The following ADCK1 variants were observed in gnomAD, a reference collection of about 807,000 sequenced individuals.
ADCK1 encodes the protein aarF domain containing kinase 1.
In ADCK1, 41 loss-of-function variants were observed where a neutral mutation model predicts 52.3. The ratio of observed to expected loss-of-function variants is 0.78; its 90% CI spans 0.61 to 1.02. ADCK1 has a LOEUF of 1.02. Ranked by LOEUF, ADCK1 falls within the 50% of genes least tolerant of loss-of-function variation. ADCK1 has a pLI of 0.00. For missense variants in ADCK1, 658 were observed against 679.5 expected, an observed-to-expected ratio of 0.97 and a Z score of 0.35; for synonymous variants, 250 against 274.6, an observed-to-expected ratio of 0.91 and a Z score of 0.89.
intron 4 of ADCK1, among the ~76,000 whole-genome samples, chr14:77,864,267 G>A (rs79870100): frequency 0.032 from 4,840 of 152,264 alleles, 144 homozygotes; most frequent in South Asian, 0.12. Context: ...TGGGTGCAGT[G>A]GGAGGGCAGC....
At position 77,859,217 on chromosome 14, in the gene ADCK1, C is replaced by CA. The variant is rs1349805978; in HGVS notation, c.362dup (p.Ala122GlyfsTer23). 1 of 1,613,920 alleles carries CA rather than the reference C, an allele frequency of 6.2e-7. No individual in the cohort carries two copies. On this transcript the variant is annotated frameshift_variant, in exon 4 of 11. Coordinates refer to ENST00000238561, the MANE Select transcript of ADCK1 (RefSeq NM_020421.4). LOFTEE classifies it high-confidence loss of function. Reference sequence around the variant, plus strand: ...CAGCACGCTGAAGGTACTGCACAGCCAGGCTCCACAGAGCAGCATGCAAGA... The same window carrying CA: ...CAGCACGCTGAAGGTACTGCACAGCCAAGGCTCCACAGAGCAGCATGCAAGA...
chr14:77,854,526 A>G (rs1157397505), intron 3 of ADCK1, among the ~76,000 whole-genome samples: 1 of 149,010 alleles, frequency 6.7e-6, no homozygotes, highest in African/African-American at 2.5e-5. Flanking sequence ...ACTAATTCTT[A>G]GAGAGGTAGC....
At chr14:77,807,270 A>G (rs1185595536) in intron 1 of ADCK1, among the ~76,000 whole-genome samples, 3 of 145,112 alleles carry the variant, frequency 2.1e-5, no homozygotes, top group Non-Finnish European at 3.0e-5. Context: ...GGGTTTCACC[A>G]TGTTAGCCGG....
intron 1 of ADCK1, among the ~76,000 whole-genome samples, chr14:77,817,741 T>G (rs1287422572): frequency 6.9e-6 from 1 of 145,934 alleles, no homozygotes; most frequent in Non-Finnish European, 1.5e-5. Context: ...GTAGTCTTCT[T>G]TTTTTTTTTT....
At chr14:77,932,165 C>T (rs181316554) in intron 10 of ADCK1, among the ~76,000 whole-genome samples, 71 of 152,240 alleles carry the variant, frequency 4.7e-4, no homozygotes, top group Non-Finnish European at 9.0e-4. Flanking sequence ...TCTCCTGCCT[C>T]AGTCTCCCGA....
chr14:77,831,458 T>C (rs2081847669), intron 3 of ADCK1, among the ~76,000 whole-genome samples: 1 of 152,206 alleles, frequency 6.6e-6, no homozygotes, highest in Admixed American at 6.5e-5. Flanking sequence ...TCTATCAAAT[T>C]CTGCTAATCT....
At chr14:77,816,714 C>T (rs1283572641) in intron 1 of ADCK1, among the ~76,000 whole-genome samples, 2 of 151,506 alleles carry the variant, frequency 1.3e-5, no homozygotes, top group East Asian at 3.9e-4. Context: ...GCAGCTTGAT[C>T]GAACCCAAAG....
intron 6 of ADCK1, among the ~76,000 whole-genome samples, chr14:77,903,282 T>A (rs1595060477): frequency 6.6e-6 from 1 of 152,262 alleles, no homozygotes; most frequent in African/African-American, 2.4e-5. Flanking sequence ...TTTTGCACTG[T>A]GAACCCAGTT....
chr14:77,879,876 C>A (rs1325218185), intron 4 of ADCK1, among the ~76,000 whole-genome samples: 1 of 143,056 alleles, frequency 7.0e-6, no homozygotes, highest in Non-Finnish European at 1.6e-5. Context: ...ATGTGAGGCA[C>A]CCACTACTAT....
chr14:77,864,399 G>C (rs910480601), intron 4 of ADCK1, among the ~76,000 whole-genome samples: 4 of 152,222 alleles, frequency 2.6e-5, no homozygotes, highest in Non-Finnish European at 5.9e-5. Context: ...GGCACTGTAG[G>C]CGCAAGGACC....
intron 1 of ADCK1, among the ~76,000 whole-genome samples, chr14:77,818,022 G>A (rs1270453794): frequency 6.6e-6 from 1 of 152,120 alleles, no homozygotes; most frequent in African/African-American, 2.4e-5. Context: ...ACAGGCGTGA[G>A]CCACCACGCT....
At chr14:77,814,745 A>C (rs1476207459) in intron 1 of ADCK1, among the ~76,000 whole-genome samples, 6 of 150,984 alleles carry the variant, frequency 4.0e-5, no homozygotes, top group African/African-American at 1.5e-4. Context: ...TGTGGCTCTC[A>C]AACTTGAGCT....
At chr14:77,839,780 A>G (rs769249525) in intron 3 of ADCK1, among the ~76,000 whole-genome samples, 7 of 151,888 alleles carry the variant, frequency 4.6e-5, no homozygotes, top group South Asian at 2.1e-4. Flanking sequence ...AAAATTAGCC[A>G]GGTGTGGTAG....
intron 3 of ADCK1, among the ~76,000 whole-genome samples, chr14:77,852,477 CATT>C (rs954263041): frequency 4.6e-5 from 7 of 151,516 alleles, no homozygotes; most frequent in African/African-American, 1.7e-4. Flanking sequence ...AATCTGCCAT[CATT>C]CGTATCTTTA....
chr14:77,860,709 G>T (rs1339244717), intron 4 of ADCK1, among the ~76,000 whole-genome samples: 1 of 152,172 alleles, frequency 6.6e-6, no homozygotes, highest in African/African-American at 2.4e-5. Context: ...CAGGCAGAGG[G>T]GACTGAATTG....
At chr14:77,915,147 C>T (rs1203025014) in intron 7 of ADCK1, among the ~76,000 whole-genome samples, 1 of 151,982 alleles carries the variant, frequency 6.6e-6, no homozygotes, top group African/African-American at 2.4e-5. Flanking sequence ...ACATCTTCTT[C>T]CATTGTCCAT....
intron 3 of ADCK1, among the ~76,000 whole-genome samples, chr14:77,842,872 T>A (rs2082103494): frequency 6.9e-6 from 1 of 144,472 alleles, no homozygotes; most frequent in African/African-American, 2.6e-5. Context: ...TCTTTTTCTT[T>A]TCTTTTCTTT....
chr14:77,833,338 G>A (rs1019895997), intron 3 of ADCK1, among the ~76,000 whole-genome samples: 2 of 152,170 alleles, frequency 1.3e-5, no homozygotes, highest in African/African-American at 2.4e-5. Context: ...AGCACTGTGC[G>A]TCTAGACCCA....
At chr14:77,903,196 C>T (rs2083585832) in intron 6 of ADCK1, among the ~76,000 whole-genome samples, 2 of 152,286 alleles carry the variant, frequency 1.3e-5, no homozygotes, top group South Asian at 4.1e-4. Flanking sequence ...ACTTGCACAC[C>T]CTTCCTAAGA....
Sources: gnomAD v4.1 joint callset for allele counts (sites outside exome capture counted in the v4.1 genomes callset) on GRCh38, gnomAD v4.1.1 for gene constraint, MANE v1.5 for transcripts, NCBI Gene and HGNC (gene_info 2026-07-23, HGNC 2026-07-21) for gene names.